The following DNM3 variants were observed in gnomAD, a reference collection of about 807,000 sequenced individuals.
The protein encoded by DNM3 is dynamin 3.
Under a neutral mutation model 101.6 loss-of-function variants are expected in DNM3, and 47 were observed. That is an observed-to-expected ratio of 0.46 (90% CI 0.37 to 0.59). DNM3 has a LOEUF of 0.59. Ranked by LOEUF, DNM3 falls within the 20% of genes least tolerant of loss-of-function variation. DNM3 has a pLI of 0.00. For missense variants in DNM3, 849 were observed against 1,085.7 expected (o/e 0.78, Z 3.06); for synonymous variants, 385 against 387.9 (o/e 0.99, Z 0.09).
chr1:171,998,261 G>A (rs2046134056), intron 4 of DNM3, among the ~76,000 whole-genome samples: 1 of 152,052 alleles, frequency 6.6e-6, no homozygotes, highest in African/African-American at 2.4e-5. Flanking sequence ...ACTAAATATG[G>A]TGAAACACTG....
At chr1:172,320,189 A>C (rs2065630746) in intron 16 of DNM3, among the ~76,000 whole-genome samples, 1 of 150,684 alleles carries the variant, frequency 6.6e-6, no homozygotes, top group African/African-American at 2.5e-5. Flanking sequence ...CAATGAGAAC[A>C]CATGGACACA....
chr1:171,905,879 A>C (rs946080843), intron 1 of DNM3, among the ~76,000 whole-genome samples: 1 of 152,048 alleles, frequency 6.6e-6, no homozygotes, highest in Non-Finnish European at 1.5e-5. Flanking sequence ...ACAAAAAAAA[A>C]ATGGGCTATT....
intron 14 of DNM3, among the ~76,000 whole-genome samples, chr1:172,244,257 G>T (rs1004208095): frequency 6.6e-6 from 1 of 151,936 alleles, no homozygotes; most frequent in Non-Finnish European, 1.5e-5. Flanking sequence ...TCTTAATCCA[G>T]TCTATCGTTG....
intron 16 of DNM3, among the ~76,000 whole-genome samples, chr1:172,314,775 C>A (rs1296997176): frequency 6.6e-6 from 1 of 152,242 alleles, no homozygotes; most frequent in African/African-American, 2.4e-5. Context: ...CTCAAGGAGG[C>A]CTGCCTGCCT....
At chr1:172,123,695 A>C (rs1415233791) in intron 13 of DNM3, among the ~76,000 whole-genome samples, 1 of 152,198 alleles carries the variant, frequency 6.6e-6, no homozygotes, top group East Asian at 1.9e-4. Context: ...ATCCAGATCA[A>C]TGTGAGAAGT....
chr1:171,998,814 T>C (rs2046179213), intron 4 of DNM3, among the ~76,000 whole-genome samples: 1 of 152,070 alleles, frequency 6.6e-6, no homozygotes, highest in African/African-American at 2.4e-5. Flanking sequence ...GAATAAGCCC[T>C]GTGACCATCT....
chr1:172,038,971 T>C (rs755221596), intron 7 of DNM3, among the ~76,000 whole-genome samples: 18 of 152,054 alleles, frequency 1.2e-4, no homozygotes, highest in Non-Finnish European at 2.1e-4. Context: ...GATTTTAATG[T>C]AGTCCTTTGA....
intron 4 of DNM3, among the ~76,000 whole-genome samples, chr1:172,027,973 T>C (rs1394948123): frequency 6.6e-6 from 1 of 152,130 alleles, no homozygotes; most frequent in African/African-American, 2.4e-5. Context: ...ATAATAATAG[T>C]GGGATACTTT....
At chr1:172,092,022 G>A (rs1218487012) in intron 12 of DNM3, among the ~76,000 whole-genome samples, 1 of 152,156 alleles carries the variant, frequency 6.6e-6, no homozygotes, top group South Asian at 2.1e-4. Context: ...TTTGGCCAAG[G>A]AACTTGAATG....
At chr1:172,372,092 AGT>A (rs1398559025) in intron 17 of DNM3, among the ~76,000 whole-genome samples, 3 of 103,616 alleles carry the variant, frequency 2.9e-5, no homozygotes, top group Non-Finnish European at 5.4e-5. Context: ...CAGTCCCCAG[AGT>A]GTGATGTTCC....
chr1:172,277,430 T>C (rs964243250), intron 15 of DNM3, among the ~76,000 whole-genome samples: 2 of 151,972 alleles, frequency 1.3e-5, no homozygotes. Flanking sequence ...AGGAAAATGG[T>C]CCAAACTGTA....
chr1:172,165,221 A>G (rs1264327483), intron 14 of DNM3, among the ~76,000 whole-genome samples: 4 of 152,100 alleles, frequency 2.6e-5, no homozygotes, highest in South Asian at 2.1e-4. Context: ...TATTCTTCCA[A>G]TGCTTTGGTA....
chr1:172,338,985 G>A (rs373750198), intron 17 of DNM3: 1 of 440,682 alleles, frequency 2.3e-6, no homozygotes, highest in Non-Finnish European at 4.5e-6. Context: ...ATATTAACTT[G>A]TTCAAAGGTG....
intron 15 of DNM3, among the ~76,000 whole-genome samples, chr1:172,275,815 T>G (rs902269335): frequency 6.6e-6 from 1 of 152,142 alleles, no homozygotes; most frequent in Admixed American, 6.6e-5. Context: ...GCCTTGAAAT[T>G]TCTCCTTGAA....
chr1:172,191,500 C>CT lies in DNM3; in HGVS notation c.1659+60220dup, dbSNP rs564467428. On this transcript the variant is annotated intron_variant, in intron 14 of 20. Coordinates refer to ENST00000627582, the MANE Select transcript of DNM3 (RefSeq NM_015569.5). ...CTTAGGATTGTCTTGGCAATGCGGG[C>CT]TTTTTTTTGGTTCCATATGAACTTG... Among the ~76,000 whole-genome samples the CT allele has an allele frequency of 3.0e-3, 460 of 151,972 alleles. 3 individuals are homozygous for CT. Among genetic ancestry groups the CT allele is most frequent in the African/African-American group, 0.01 (435 of 41,462 alleles).
At chr1:172,233,820 G>T in intron 14 of DNM3, among the ~76,000 whole-genome samples, 1 of 152,104 alleles carries the variant, frequency 6.6e-6, no homozygotes, top group East Asian at 1.9e-4. Context: ...TGCAGAAAAG[G>T]CCTTTGACAA....
intron 16 of DNM3, among the ~76,000 whole-genome samples, chr1:172,319,631 A>C (rs901607990): frequency 6.6e-6 from 1 of 152,276 alleles, no homozygotes; most frequent in African/African-American, 2.4e-5. Flanking sequence ...ACATGAAAAA[A>C]TGCTCATCAT....
chr1:172,015,022 T>G (rs2047360573), intron 4 of DNM3, among the ~76,000 whole-genome samples: 1 of 79,552 alleles, frequency 1.3e-5, no homozygotes. Context: ...TTCAGCAAAA[T>G]TTTTTGAAAA....
intron 20 of DNM3, among the ~76,000 whole-genome samples, chr1:172,395,899 C>T (rs2069945997): frequency 1.3e-5 from 2 of 152,188 alleles, no homozygotes; most frequent in Admixed American, 1.3e-4. Flanking sequence ...TTGAAAGGCA[C>T]TAGATTTGAT....
Sources: gnomAD v4.1 joint callset for allele counts (sites outside exome capture counted in the v4.1 genomes callset) on GRCh38, gnomAD v4.1.1 for gene constraint, MANE v1.5 for transcripts, NCBI Gene and HGNC (gene_info 2026-07-23, HGNC 2026-07-21) for gene names.